Variants in ALK observed in about 807,000 individuals in gnomAD.
ALK encodes the protein ALK receptor tyrosine kinase.
Under a neutral mutation model 163.1 loss-of-function variants are expected in ALK, and 74 were observed. The observed-to-expected ratio is 0.45, with a 90% CI of 0.38 to 0.55. The LOEUF is 0.55. Ranked by LOEUF, ALK falls within the 20% of genes least tolerant of loss-of-function variation. ALK has a pLI of 0.00. For missense variants in ALK, 2,063 were observed against 2,105.3 expected, an observed-to-expected ratio of 0.98 and a Z score of 0.39; for synonymous variants, 960 against 843.2, an observed-to-expected ratio of 1.14 and a Z score of -2.40.
chr2:29,871,842 G>C (rs1450500134), intron 1 of ALK, among the ~76,000 whole-genome samples: 1 of 152,194 alleles, frequency 6.6e-6, no homozygotes. Context: ...ATAAAAGCCT[G>C]GCATTAGCTT....
In ALK at chr2:29,920,795, C is replaced by A. The variant is rs760472364; in HGVS notation, c.-136G>T. On this transcript the variant is annotated 5_prime_UTR_variant, in exon 1 of 29. Transcript: ENST00000389048. ...CCTGATCTCCAGAGGACTGTGCGTGCGCGCAAGTCTCTTGCTTTCCCCCAA... is the reference window on the plus strand; with the variant it reads ...CCTGATCTCCAGAGGACTGTGCGTGAGCGCAAGTCTCTTGCTTTCCCCCAA... The A allele has an allele frequency of 4.4e-5, 34 of 767,000 alleles. No individual in the cohort carries two copies. The highest frequency in any genetic ancestry group is 6.4e-5 in the Non-Finnish European group (31 of 483,144). The allele number at this position is 767,000 out of a possible 1,614,324, so 47.5% of individuals were successfully genotyped here.
At chr2:29,581,190 C>G (rs1035834206) in intron 3 of ALK, among the ~76,000 whole-genome samples, 2 of 152,116 alleles carry the variant, frequency 1.3e-5, no homozygotes, top group African/African-American at 4.8e-5. Flanking sequence ...GAGATCGAGA[C>G]CATCCTGGCC....
chr2:29,239,267 C>A (rs918495276), intron 13 of ALK, among the ~76,000 whole-genome samples: 2 of 152,168 alleles, frequency 1.3e-5, no homozygotes, highest in Non-Finnish European at 2.9e-5. Context: ...TTCTCGGTAG[C>A]CCCTCTTCCC....
chr2:29,392,694 A>G (rs989625365), intron 4 of ALK, among the ~76,000 whole-genome samples: 1 of 152,202 alleles, frequency 6.6e-6, no homozygotes, highest in African/African-American at 2.4e-5. Context: ...AATCATTGCA[A>G]TCGGGATGGG....
chr2:29,761,887 T>A (rs989158300), intron 1 of ALK, among the ~76,000 whole-genome samples: 1 of 152,238 alleles, frequency 6.6e-6, no homozygotes, highest in East Asian at 1.9e-4. Context: ...CAACGTATAT[T>A]TGGTATCTAA....
rs188332056 is a variant in ALK, at chr2:29,750,766, A to G, written c.668-33069T>C. Among the ~76,000 whole-genome samples the G allele has an allele frequency of 3.4e-4, 52 of 151,754 alleles. No individual in the cohort carries two copies. In the East Asian group the frequency reaches 9.3e-3, roughly 27 times the overall value. On this transcript the variant is annotated intron_variant, in intron 1 of 28. Transcript: ENST00000389048. ...GAGGGAGGGAAAGAGAGAAAGAGAA[A>G]GAAAGAGAATGACAGAGGCCGGGCG... is the stretch of plus-strand genomic sequence containing the variant.
intron 4 of ALK, among the ~76,000 whole-genome samples, chr2:29,503,302 C>A (rs1435278538): frequency 6.6e-6 from 1 of 152,202 alleles, no homozygotes; most frequent in Non-Finnish European, 1.5e-5. Context: ...GATTAGGGAT[C>A]TGGTCTATTG....
chr2:29,395,581 C>T (rs971004945), intron 4 of ALK, among the ~76,000 whole-genome samples: 1 of 152,206 alleles, frequency 6.6e-6, no homozygotes, highest in South Asian at 2.1e-4. Flanking sequence ...CCCTCTCCTG[C>T]CTTTCTATCC....
intron 4 of ALK, among the ~76,000 whole-genome samples, chr2:29,398,813 G>T (rs896059789): frequency 6.6e-6 from 1 of 152,180 alleles, no homozygotes; most frequent in African/African-American, 2.4e-5. Flanking sequence ...TCTGTGGGTG[G>T]TTGCAAAGTT....
intron 3 of ALK, among the ~76,000 whole-genome samples, chr2:29,678,096 G>T (rs1297011439): frequency 6.6e-6 from 1 of 151,918 alleles, no homozygotes; most frequent in Non-Finnish European, 1.5e-5. Context: ...TTGGCAAAAG[G>T]ATGTTTAGTT....
intron 1 of ALK, among the ~76,000 whole-genome samples, chr2:29,784,273 G>T (rs1400548890): frequency 2.0e-5 from 3 of 152,196 alleles, no homozygotes; most frequent in Non-Finnish European, 4.4e-5. Context: ...AAACATGAAT[G>T]ACGAGAGTTT....
chr2:29,220,597 C>A, intron 23 of ALK, 109 bp downstream of exon 23: 1 of 1,515,650 alleles, frequency 6.6e-7, no homozygotes. Context: ...AAAGTTGACA[C>A]CCTGGGTTCC....
At chr2:29,711,270 C>T (rs1003286357) in intron 2 of ALK, among the ~76,000 whole-genome samples, 1 of 152,186 alleles carries the variant, frequency 6.6e-6, no homozygotes, top group East Asian at 1.9e-4. Context: ...AACACCTTTG[C>T]ACATGCATCC....
chr2:29,650,664 C>G (rs1213409378), intron 3 of ALK, among the ~76,000 whole-genome samples: 1 of 152,090 alleles, frequency 6.6e-6, no homozygotes, highest in Non-Finnish European at 1.5e-5. Flanking sequence ...ATATGTCTGA[C>G]TCACTTAAGA....
intron 5 of ALK, among the ~76,000 whole-genome samples, chr2:29,381,553 T>C (rs908081519): frequency 1.3e-5 from 2 of 152,198 alleles, no homozygotes; most frequent in Admixed American, 6.5e-5. Flanking sequence ...AGTTCTACAG[T>C]TGTGTTTCCC....
In ALK at chr2:29,396,842, T is replaced by TTTTTG. The variant is rs1553311002; in HGVS notation, c.1155-12984_1155-12983insCAAAA. Among the ~76,000 whole-genome samples the TTTTTG allele has an allele frequency of 5.9e-4, 77 of 130,154 alleles. 2 individuals carry two copies. The highest frequency in any genetic ancestry group is 2.1e-3 in the African/African-American group (71 of 33,228). 85.4% of individuals were successfully genotyped at this position (130,154 alleles called of 152,430 possible). A position where few individuals can be genotyped will look rare whatever the true frequency, so the allele number is the denominator to read the frequency against. On this transcript the variant is annotated intron_variant, in intron 4 of 28. Transcript: ENST00000389048. ...GAGGCCCTTTGTTACTATGGTTTTTTTTTTTTTTTTTTTTTTTTGCTACTT... is the reference window on the plus strand; with the variant it reads ...GAGGCCCTTTGTTACTATGGTTTTTTTTTTGTTTTTTTTTTTTTTTTTTGCTACTT...
At chr2:29,448,155 T>C (rs1670732868) in intron 4 of ALK, among the ~76,000 whole-genome samples, 1 of 152,224 alleles carries the variant, frequency 6.6e-6, no homozygotes, top group South Asian at 2.1e-4. Flanking sequence ...ATTTCACTGC[T>C]AACGGACACA....
At chr2:29,455,943 C>T (rs72792487) in intron 4 of ALK, among the ~76,000 whole-genome samples, 25,138 of 152,132 alleles carry the variant, frequency 0.17, 2,302 homozygotes, top group East Asian at 0.35. Flanking sequence ...GCAAGGAACA[C>T]AGCCATAAGT....
At chr2:29,883,543 A>G (rs1403005915) in intron 1 of ALK, among the ~76,000 whole-genome samples, 1 of 152,230 alleles carries the variant, frequency 6.6e-6, no homozygotes, top group East Asian at 1.9e-4. Context: ...TGTGTCTAGC[A>G]TAACACCAGG....
Sources: gnomAD v4.1 joint callset for allele counts (sites outside exome capture counted in the v4.1 genomes callset) on GRCh38, gnomAD v4.1.1 for gene constraint, MANE v1.5 for transcripts, NCBI Gene and HGNC (gene_info 2026-07-23, HGNC 2026-07-21) for gene names.